SPAG17: variants seen among roughly 807,000 people sequenced by gnomAD.
The protein encoded by SPAG17 is sperm associated antigen 17, also known as sperm-associated antigen 17.
SPAG17 carries 169 observed loss-of-function variants against 273.6 expected under a neutral mutation model. The ratio of observed to expected loss-of-function variants is 0.62; its 90% CI spans 0.55 to 0.70. The LOEUF is 0.70. SPAG17 is among the 30% of genes least tolerant of loss of function. SPAG17 has a pLI of 0.00. For synonymous variants in SPAG17, 825 were observed against 873.2 expected, an observed-to-expected ratio of 0.94 and a Z score of 0.97; for missense variants, 2,557 against 2,627.8, an observed-to-expected ratio of 0.97 and a Z score of 0.59.
chr1:118,029,661 G>T (rs1367910341), intron 25 of SPAG17, among the ~76,000 whole-genome samples: 2 of 151,972 alleles, frequency 1.3e-5, no homozygotes, highest in Non-Finnish European at 2.9e-5. Context: ...CCCTTGTTTG[G>T]TTATATGTAC....
intron 1 of SPAG17, among the ~76,000 whole-genome samples, chr1:118,168,649 A>G (rs1006267252): frequency 2.6e-5 from 4 of 152,234 alleles, no homozygotes; most frequent in Admixed American, 6.5e-5. Context: ...CAGTGCTGGA[A>G]CATATATTCT....
In SPAG17 at chr1:118,041,806, G is replaced by T; in HGVS notation, c.3051C>A (p.Tyr1017Ter). Residue 1017 changes from tyrosine to a stop codon, truncating the protein, a stop_gained, in exon 21 of 49, where the codon TAC becomes TAA. Coordinates refer to ENST00000336338, the MANE Select transcript of SPAG17 (RefSeq NM_206996.4). LOFTEE classifies it high-confidence loss of function. ...SPHQPEPKIT[Y>*]PFHGYNMGNI... Reference sequence around the variant, plus strand: ...GTTTTACAGAATTGGAGTTTACCGGGTAAGTTATCTTAGGTTCTGGTTGGT... The same window carrying T: ...GTTTTACAGAATTGGAGTTTACCGGTTAAGTTATCTTAGGTTCTGGTTGGT... 1 of 1,608,344 alleles carries T rather than the reference G, an allele frequency of 6.2e-7. No individual in the cohort carries two copies. Among genetic ancestry groups the T allele is most frequent in the Non-Finnish European group, 8.5e-7 (1 of 1,178,502 alleles).
chr1:118,095,444 A>C (rs1414921592), intron 7 of SPAG17, among the ~76,000 whole-genome samples: 2 of 152,184 alleles, frequency 1.3e-5, no homozygotes, highest in Non-Finnish European at 2.9e-5. Context: ...CCTCTGAATG[A>C]ATTATGGTTC....
At chr1:118,163,295 G>A (rs1660014453) in intron 1 of SPAG17, among the ~76,000 whole-genome samples, 1 of 152,032 alleles carries the variant, frequency 6.6e-6, no homozygotes, top group Non-Finnish European at 1.5e-5. Flanking sequence ...ATCTCTCCCT[G>A]TGTCTTAGGA....
chr1:117,991,438 C>G lies in SPAG17; in HGVS notation c.5452G>C (p.Ala1818Pro), dbSNP rs1222620455. 6.2e-7 allele frequency: 1 copy of G among 1,609,418 alleles called. No individual in the cohort carries two copies. The highest frequency in any genetic ancestry group is 2.2e-5 in the East Asian group (1 of 44,650). Residue 1818 changes from alanine (A) to proline (P), a missense_variant, in exon 37 of 49, where the codon GCT (alanine) becomes CCT (proline). By Grantham distance (27) the Ala-to-Pro change is conservative. Coordinates refer to ENST00000336338, the MANE Select transcript of SPAG17 (RefSeq NM_206996.4). ...SRTEEERGNA[A>P]DLLKLVMSFP... ...ACCATAACCAGCTTGAGGAGATCAG[C>G]AGCATTGCCTCTCTCCTCCTCAGTT... is the stretch of plus-strand genomic sequence containing the variant.
intron 28 of SPAG17, among the ~76,000 whole-genome samples, chr1:118,022,464 C>A (rs1441993204): frequency 6.6e-6 from 1 of 152,068 alleles, no homozygotes; most frequent in Non-Finnish European, 1.5e-5. Flanking sequence ...AGATGTTTAA[C>A]CTCACCAGCA....
At position 118,053,966 on chromosome 1, in the gene SPAG17, T is replaced by C. The variant is rs1429197100; in HGVS notation, c.2814+36A>G. ...TATCCTGTTGTGTAATACTTTAGTT[T>C]TGCCTGTTTTTTAAACTTTATGTAA... On this transcript the variant is annotated intron_variant, in intron 20 of 48. Transcript: ENST00000336338. 3.4e-6 allele frequency: 5 copies of C among 1,482,448 alleles called. No individual in the cohort carries two copies. In the East Asian group the frequency reaches 1.1e-4, roughly 34 times the overall value. 91.8% of individuals were successfully genotyped at this position (1,482,448 alleles called of 1,614,324 possible). A position where few individuals can be genotyped will look rare whatever the true frequency, so the allele number is the denominator to read the frequency against.
intron 3 of SPAG17, among the ~76,000 whole-genome samples, chr1:118,117,166 A>T (rs541240250): frequency 2.0e-3 from 304 of 152,314 alleles, no homozygotes; most frequent in African/African-American, 7.1e-3. Flanking sequence ...GTGGGTTTTT[A>T]AAGGTCATGG....
intron 48 of SPAG17, chr1:117,959,015 T>C (rs1172548185): frequency 1.2e-6 from 2 of 1,612,076 alleles, no homozygotes; most frequent in Non-Finnish European, 1.7e-6. Flanking sequence ...TAAGTGTCTT[T>C]GTATAGAGAT....
intron 21 of SPAG17, among the ~76,000 whole-genome samples, chr1:118,041,591 A>C (rs1164075936): frequency 6.6e-6 from 1 of 152,100 alleles, no homozygotes; most frequent in African/African-American, 2.4e-5. Context: ...CTCAAATAAA[A>C]ACTGACCTGA....
At chr1:118,074,111 G>T in intron 16 of SPAG17, 144 bp from the exon 17 acceptor site, 1 of 592,248 alleles carries the variant, frequency 1.7e-6, no homozygotes, top group Non-Finnish European at 2.9e-6. Flanking sequence ...AACATTTTAG[G>T]AGAGCTGCTG....
Position 118,136,832 on chromosome 1 carries a change from T to TG in SPAG17, c.315+13710_315+13711insC, listed in dbSNP as rs1558037921. 7.0e-3 allele frequency among the ~76,000 whole-genome samples: 1,045 copies of TG among 150,134 alleles called. 13 individuals carry two copies. The highest frequency in any genetic ancestry group is 0.017 in the African/African-American group (708 of 40,844). The stretch of plus-strand genomic sequence containing the variant: ...GTGTGTGTGTGTGTGTGTGTGTGTG[T>TG]TTTTAATGATGGAGGAATCATGAAA... On this transcript the variant is annotated intron_variant, in intron 3 of 48. Transcript: ENST00000336338.
chr1:117,999,098 G>T (rs974430967), intron 32 of SPAG17, among the ~76,000 whole-genome samples: 2 of 149,670 alleles, frequency 1.3e-5, no homozygotes, highest in Non-Finnish European at 2.9e-5. Flanking sequence ...TTCTGTCCTT[G>T]TGACAGTTTT....
chr1:118,048,836 C>CAGT (rs1192946478), intron 20 of SPAG17, among the ~76,000 whole-genome samples: 1 of 152,114 alleles, frequency 6.6e-6, no homozygotes, highest in Non-Finnish European at 1.5e-5. Flanking sequence ...GCAGAGGTTG[C>CAGT]AGTGAGCCGG....
chr1:118,147,696 G>A (rs888572168), intron 3 of SPAG17, among the ~76,000 whole-genome samples: 1 of 152,160 alleles, frequency 6.6e-6, no homozygotes, highest in Non-Finnish European at 1.5e-5. Context: ...GGTTTCAGGG[G>A]AAATTACACA....
chr1:117,963,794 T>A lies in SPAG17; in HGVS notation c.*5A>T, dbSNP rs199684236. On this transcript the variant is annotated splice_donor_5th_base_variant and intron_variant, in intron 48 of 48. Coordinates refer to ENST00000336338, the MANE Select transcript of SPAG17 (RefSeq NM_206996.4). ...AATCAAATTCCCATTTATTACTTAC[T>A]GTACCTAATGTGGAGAAACTTTACG... The A allele has an allele frequency of 1.8e-5, 29 of 1,606,486 alleles. No individual in the cohort carries two copies. In the South Asian group the frequency reaches 3.0e-4, roughly 17 times the overall value.
At chr1:118,168,769 T>G (rs1202545764) in intron 1 of SPAG17, among the ~76,000 whole-genome samples, 1 of 152,164 alleles carries the variant, frequency 6.6e-6, no homozygotes, top group African/African-American at 2.4e-5. Context: ...GGGATGTCAG[T>G]GAGGGCCCTA....
At chr1:118,070,017 T>C (rs1370401873) in intron 17 of SPAG17, among the ~76,000 whole-genome samples, 2 of 152,114 alleles carry the variant, frequency 1.3e-5, no homozygotes, top group Admixed American at 6.5e-5. Flanking sequence ...AAAACTGAAA[T>C]AGTATAAAGT....
chr1:118,177,416 T>C (rs1269892791), intron 1 of SPAG17, among the ~76,000 whole-genome samples: 5 of 152,132 alleles, frequency 3.3e-5, no homozygotes, highest in African/African-American at 1.2e-4. Context: ...TCAATTATCT[T>C]CATCTGGTCT....
Sources: gnomAD v4.1 joint callset for allele counts (sites outside exome capture counted in the v4.1 genomes callset) on GRCh38, gnomAD v4.1.1 for gene constraint, MANE v1.5 for transcripts, NCBI Gene and HGNC (gene_info 2026-07-23, HGNC 2026-07-21) for gene names.